Variants in CNTN4 observed in about 807,000 individuals in gnomAD.
CNTN4 encodes contactin 4.
A neutral mutation model predicts 122.5 loss-of-function variants in CNTN4; 77 were observed. The ratio of observed to expected loss-of-function variants is 0.63; its 90% confidence interval spans 0.52 to 0.76. The LOEUF (loss-of-function observed/expected upper bound fraction) is 0.76. Among genes scored for constraint, CNTN4 ranks in the 30% least tolerant of loss-of-function variants. The pLI is 0.00. For synonymous variants in CNTN4, 512 were observed against 447.0 expected (o/e 1.15, Z -1.83); for missense variants, 1,256 against 1,259.1 (o/e 1.00, Z 0.04).
At chr3:2,824,175 C>G (rs987503590) in intron 7 of CNTN4, among the ~76,000 whole-genome samples, 11 of 133,222 alleles carry the variant, frequency 8.3e-5, no homozygotes, top group Non-Finnish European at 1.4e-4. Flanking sequence ...AAAAAAAAAA[C>G]AGGCCAGGCG....
intron 9 of CNTN4, among the ~76,000 whole-genome samples, chr3:2,886,634 C>G (rs1335146956): frequency 1.3e-5 from 2 of 151,016 alleles, no homozygotes; most frequent in Non-Finnish European, 2.9e-5. Context: ...GCCTCAGCCT[C>G]TTGAGTAGCT....
At chr3:2,456,195 G>A (rs929820737) in intron 3 of CNTN4, among the ~76,000 whole-genome samples, 1 of 151,992 alleles carries the variant, frequency 6.6e-6, no homozygotes, top group Non-Finnish European at 1.5e-5. Context: ...AAACTTGCCT[G>A]AATGTGAATT....
intron 4 of CNTN4, among the ~76,000 whole-genome samples, chr3:2,707,258 A>G (rs1265517293): frequency 6.6e-6 from 1 of 151,960 alleles, no homozygotes; most frequent in Non-Finnish European, 1.5e-5. Flanking sequence ...GTGAGCCGAG[A>G]TCACGCCACT....
Position 2,781,880 on chromosome 3 carries a change from C to T in CNTN4, c.358+36183C>T, listed in dbSNP as rs549314343. ...GCTGGGACTGCAGGCGCCCGCACCA[C>T]GCCCGGCTAATTTTTTGTATTTTTA... On this transcript the variant is annotated intron_variant, in intron 6 of 24. Transcript: ENST00000418658. Among the ~76,000 whole-genome samples the T allele has an allele frequency of 1.6e-3, 95 of 58,168 alleles. 8 individuals carry two copies. Among genetic ancestry groups the T allele is most frequent in the East Asian group, 2.9e-3 (2 of 678 alleles). The allele number at this position is 58,168 out of a possible 152,430, so 38.2% of individuals were successfully genotyped here.
chr3:2,385,029 G>C lies in CNTN4; in HGVS notation c.-89+45796G>C, dbSNP rs1377197195. Among the ~76,000 whole-genome samples the C allele has an allele frequency of 6.6e-6, 1 of 151,702 alleles. No homozygotes were observed. The highest frequency in any genetic ancestry group is 6.6e-5 in the Admixed American group (1 of 15,226). ...CATTCAGATCCTCCTTTTCTCTCTTGCTTCGCCTCTTACTCTTCCTTCCTA... is the reference window on the plus strand; with the variant it reads ...CATTCAGATCCTCCTTTTCTCTCTTCCTTCGCCTCTTACTCTTCCTTCCTA... On this transcript the variant is annotated intron_variant, in intron 3 of 24. Transcript: ENST00000418658. This position sits in a 1 kb window ranked among gnomAD's most constrained non-coding sequence, Gnocchi z 4.0.
chr3:2,618,243 GTA>G (rs56209132), intron 4 of CNTN4, among the ~76,000 whole-genome samples: 2 of 151,056 alleles, frequency 1.3e-5, no homozygotes, highest in African/African-American at 4.9e-5. Flanking sequence ...TTAAATGTGG[GTA>G]TATATATATA....
chr3:2,708,969 T>C (rs1007802090), intron 4 of CNTN4, among the ~76,000 whole-genome samples: 1 of 152,212 alleles, frequency 6.6e-6, no homozygotes, highest in Non-Finnish European at 1.5e-5. Context: ...CGATATCGCA[T>C]TGCAGAAATC....
At chr3:2,749,328 G>GTTTTT (rs11381094) in intron 6 of CNTN4, among the ~76,000 whole-genome samples, 3 of 135,674 alleles carry the variant, frequency 2.2e-5, no homozygotes. Flanking sequence ...GCCCAGATAA[G>GTTTTT]TTTTTTTTTT....
intron 2 of CNTN4, among the ~76,000 whole-genome samples, chr3:2,290,911 A>C (rs1314114002): frequency 6.6e-6 from 1 of 152,224 alleles, no homozygotes; most frequent in Non-Finnish European, 1.5e-5. Flanking sequence ...TTTCAAAGAA[A>C]AATCGACACT....
chr3:2,961,265 T>A (rs1388762593), intron 13 of CNTN4, among the ~76,000 whole-genome samples: 12 of 127,500 alleles, frequency 9.4e-5, no homozygotes, highest in Admixed American at 4.8e-4. Flanking sequence ...TACTGAATAT[T>A]GAATGAAGAG....
intron 20 of CNTN4, 31 bp downstream of exon 20, chr3:3,040,302 G>A: frequency 1.3e-6 from 2 of 1,485,858 alleles, no homozygotes; most frequent in Non-Finnish European, 1.9e-6. Flanking sequence ...ATCATTGACT[G>A]TTAATATTTC....
At chr3:2,262,169 G>T (rs2040858912) in intron 2 of CNTN4, among the ~76,000 whole-genome samples, 1 of 152,056 alleles carries the variant, frequency 6.6e-6, no homozygotes, top group Admixed American at 6.6e-5. Context: ...ACTATATAAA[G>T]TAACGAGAGG....
intron 10 of CNTN4, among the ~76,000 whole-genome samples, chr3:2,895,767 G>A (rs1457391158): frequency 4.6e-5 from 7 of 152,250 alleles, no homozygotes; most frequent in Admixed American, 2.0e-4. Flanking sequence ...GGGCGCAGTG[G>A]CTCACGCCTG....
rs118087276 is a variant in CNTN4, at chr3:2,313,075, A to G, written c.-144-26103A>G. 2.4e-3 allele frequency among the ~76,000 whole-genome samples: 371 copies of G among 152,222 alleles called. 8 individuals are homozygous for G. In the East Asian group the frequency reaches 0.042, roughly 17 times the overall value. On this transcript the variant is annotated intron_variant, in intron 2 of 24. Coordinates refer to ENST00000418658, the MANE Select transcript of CNTN4 (RefSeq NM_175607.3). ...TCAACTTGAAAAGTTAGAAAAGACA[A>G]TAAAACTATTGGAGTAAGTAAAATA... is the stretch of plus-strand genomic sequence containing the variant.
chr3:2,860,724 T>C (rs898571236), intron 7 of CNTN4, among the ~76,000 whole-genome samples: 18 of 150,292 alleles, frequency 1.2e-4, no homozygotes, highest in Admixed American at 5.3e-4. Context: ...TATTTATCAT[T>C]CTGTGTCTTA....
At position 2,588,256 on chromosome 3, in the gene CNTN4, A is replaced by G. The variant is rs532005746; in HGVS notation, c.55+16698A>G. 6.1e-4 allele frequency among the ~76,000 whole-genome samples: 93 copies of G among 152,298 alleles called. 1 individual carries two copies. Among genetic ancestry groups the G allele is most frequent in the African/African-American group, 2.2e-3 (91 of 41,558 alleles). On this transcript the variant is annotated intron_variant, in intron 4 of 24. Transcript: ENST00000418658. ...GACTGTCATGTGTCAGAGAGATTTT[A>G]AAGACATGCTGGCACCAAGTGAGAC...
intron 12 of CNTN4, among the ~76,000 whole-genome samples, chr3:2,918,862 G>C (rs1294392021): frequency 6.6e-6 from 1 of 152,190 alleles, no homozygotes; most frequent in Non-Finnish European, 1.5e-5. Context: ...CTATATGAAG[G>C]GGAGAAAGAG....
intron 13 of CNTN4, among the ~76,000 whole-genome samples, chr3:2,949,727 G>C (rs2094718117): frequency 6.6e-6 from 1 of 152,168 alleles, no homozygotes; most frequent in East Asian, 1.9e-4. Flanking sequence ...TCTTCAGTTT[G>C]TGAGTTACCC....
intron 2 of CNTN4, among the ~76,000 whole-genome samples, chr3:2,183,529 G>A (rs556227997): frequency 1.3e-5 from 2 of 152,112 alleles, no homozygotes; most frequent in African/African-American, 2.4e-5. Flanking sequence ...GGAATTTAAG[G>A]TCTGACCATT....
Sources: allele counts gnomAD v4.1 joint callset (sites outside exome capture counted in the v4.1 genomes callset), GRCh38; gene constraint gnomAD v4.1.1; non-coding constraint Gnocchi (gnomAD v3.1); transcripts MANE v1.5; gene names NCBI Gene and HGNC (gene_info 2026-07-23, HGNC 2026-07-21).